Variants in BCL7B observed in about 807,000 individuals in gnomAD.
The protein encoded by BCL7B is BAF chromatin remodeling complex subunit BCL7B.
A neutral mutation model predicts 26.5 loss-of-function variants in BCL7B; 11 were observed. The ratio of observed to expected loss-of-function variants is 0.42; its 90% CI spans 0.26 to 0.69. The LOEUF (loss-of-function observed/expected upper bound fraction) is 0.69. BCL7B is among the 30% of genes least tolerant of loss of function. The pLI, the probability that BCL7B is intolerant of heterozygous loss-of-function variation, is 0.28. For missense variants in BCL7B, 215 were observed against 264.4 expected, an observed-to-expected ratio of 0.81 and a Z score of 1.30; for synonymous variants, 111 against 107.9, an observed-to-expected ratio of 1.03 and a Z score of -0.18.
At chr7:73,538,816 A>T (rs1414981884) in intron 4 of BCL7B, among the ~76,000 whole-genome samples, 23 of 110,354 alleles carry the variant, frequency 2.1e-4, no homozygotes, top group East Asian at 1.9e-3. Context: ...CTATCTCTTT[A>T]AAAAAAAAAA....
In BCL7B at chr7:73,536,719, G is replaced by A. The variant is rs80016682; in HGVS notation, c.*579C>T. On this transcript the variant is annotated 3_prime_UTR_variant, in exon 6 of 6. Transcript: ENST00000223368. ...AGGGCTGTCAGCAGCTAGGGTGCCC[G>A]TGAGAGGTAGGACCACCTCAGGCAT... 8.4e-4 allele frequency: 129 copies of A among 152,948 alleles called. 4 individuals carry two copies. The South Asian group carries it at 0.021, about 25-fold the overall frequency. The allele number at this position is 152,948 out of a possible 1,614,324, so 9.5% of individuals were successfully genotyped here. A position where few individuals can be genotyped will look rare whatever the true frequency, so the allele number is the denominator to read the frequency against.
At chr7:73,537,424 AC>A in intron 5 of BCL7B, 34 bp from the exon 6 acceptor site, 1 of 1,546,776 alleles carries the variant, frequency 6.5e-7, no homozygotes, top group Non-Finnish European at 8.9e-7. Flanking sequence ...TGCCAGGGCC[AC>A]CCCTCCCAAC....
chr7:73,542,803 G>A (rs782013387), intron 3 of BCL7B: 4 of 409,406 alleles, frequency 9.8e-6, no homozygotes, highest in Admixed American at 6.2e-5. Flanking sequence ...TACAGTCTAG[G>A]CCAGGTGCAG....
Position 73,538,013 on chromosome 7 carries a change from T to C in BCL7B, c.437A>G (p.Glu146Gly). ...PPTLGQEILEEPSLPSSEVAD... is the reference protein window; with the variant it reads ...PPTLGQEILEGPSLPSSEVAD... The stretch of plus-strand genomic sequence containing the variant: ...AACTTCCGAGGAGGGCAGGGAGGGC[T>C]CTGAAAAGGCAGTAGGGTCGGCCTG... The change falls in exon 5 of 6, where the codon GAG (glutamate) becomes GGG (glycine). Residue 146 changes from glutamate (E) to glycine (G), a missense_variant and splice_region_variant. Coordinates refer to ENST00000223368, the MANE Select transcript of BCL7B (RefSeq NM_001707.4). The C allele has an allele frequency of 6.3e-7, 1 of 1,595,562 alleles. No homozygotes were observed. Among genetic ancestry groups the C allele is most frequent in the East Asian group, 2.3e-5 (1 of 43,218 alleles).
intron 4 of BCL7B, among the ~76,000 whole-genome samples, chr7:73,539,111 C>T (rs1335820545): frequency 3.3e-5 from 5 of 152,146 alleles, no homozygotes; most frequent in Non-Finnish European, 7.3e-5. Context: ...AGGCTTGCGC[C>T]ACCATGCCTG....
At chr7:73,543,064 G>A (rs1299637136) in intron 3 of BCL7B, among the ~76,000 whole-genome samples, 3 of 152,186 alleles carry the variant, frequency 2.0e-5, no homozygotes, top group African/African-American at 4.8e-5. Flanking sequence ...ACTGGAAAAT[G>A]AGAATACCAT....
At chr7:73,539,535 AG>A (rs1310801505) in intron 4 of BCL7B, among the ~76,000 whole-genome samples, 1 of 152,148 alleles carries the variant, frequency 6.6e-6, no homozygotes, top group African/African-American at 2.4e-5. Flanking sequence ...TACAGGTGTG[AG>A]CCACCATGCC....
chr7:73,556,527 C>T (rs1283522373), intron 1 of BCL7B, among the ~76,000 whole-genome samples: 1 of 152,142 alleles, frequency 6.6e-6, no homozygotes, highest in African/African-American at 2.4e-5. Flanking sequence ...AAAGAGCTGA[C>T]GAAGTTGGCT....
chr7:73,552,249 G>C lies in BCL7B; in HGVS notation c.93-7C>G. On this transcript the variant is annotated splice_region_variant and splice_polypyrimidine_tract_variant and intron_variant, in intron 1 of 5. Coordinates refer to ENST00000223368, the MANE Select transcript of BCL7B (RefSeq NM_001707.4). Reference sequence around the variant, plus strand: ...AGTCACCCACTTCTTCTCCCTAAAAGAAAGACACTTCTTAGAACGGATAAA... The same window carrying C: ...AGTCACCCACTTCTTCTCCCTAAAACAAAGACACTTCTTAGAACGGATAAA... 1 of 1,605,812 alleles carries C rather than the reference G, an allele frequency of 6.2e-7. No individual in the cohort carries two copies. Among genetic ancestry groups the C allele is most frequent in the Non-Finnish European group, 8.5e-7 (1 of 1,175,964 alleles).
At chr7:73,557,274 T>A in intron 1 of BCL7B, 1 of 1,133,274 alleles carries the variant, frequency 8.8e-7, no homozygotes. Context: ...CCGCAGCAGG[T>A]GGGCGGGCCC....
chr7:73,555,030 G>A (rs190076776), intron 1 of BCL7B, among the ~76,000 whole-genome samples: 194 of 152,216 alleles, frequency 1.3e-3, no homozygotes, highest in Admixed American at 3.5e-3. Flanking sequence ...TCTGGAAACA[G>A]ACATGAATAG....
intron 2 of BCL7B, among the ~76,000 whole-genome samples, chr7:73,549,631 T>C (rs1271794595): frequency 2.0e-5 from 3 of 152,024 alleles, no homozygotes; most frequent in Admixed American, 6.6e-5. Context: ...TAGGTTGACA[T>C]AGCAAACTCC....
chr7:73,545,924 G>A (rs1187518560), intron 2 of BCL7B, among the ~76,000 whole-genome samples: 1 of 152,102 alleles, frequency 6.6e-6, no homozygotes, highest in Non-Finnish European at 1.5e-5. Context: ...GAGGTCAGGA[G>A]ATTGAGACCA....
intron 2 of BCL7B, 195 bp from the exon 3 acceptor site, chr7:73,543,839 G>A: frequency 1.9e-6 from 1 of 534,500 alleles, no homozygotes; most frequent in Non-Finnish European, 3.4e-6. Flanking sequence ...TCAGAAAAAT[G>A]AACCCTTCCA....
chr7:73,540,829 C>CAAAAAAAAAAAAAAAA (rs56111929), intron 3 of BCL7B, among the ~76,000 whole-genome samples: 2 of 50,940 alleles, frequency 3.9e-5, no homozygotes, highest in African/African-American at 1.6e-4. Flanking sequence ...GACTCTGTCT[C>CAAAAAAAAAAAAAAAA]AAAAAAAAAA....
At chr7:73,550,110 G>C (rs1554583945) in intron 2 of BCL7B, among the ~76,000 whole-genome samples, 3 of 152,026 alleles carry the variant, frequency 2.0e-5, no homozygotes, top group Non-Finnish European at 4.4e-5. Flanking sequence ...AAAACAATTA[G>C]AAAAAATAAA....
Position 73,536,742 on chromosome 7 carries a change from C to T in BCL7B, c.*556G>A, listed in dbSNP as rs1375740292. On this transcript the variant is annotated 3_prime_UTR_variant, in exon 6 of 6. Coordinates refer to ENST00000223368, the MANE Select transcript of BCL7B (RefSeq NM_001707.4). ...CCGTGAGAGGTAGGACCACCTCAGG[C>T]ATGGGCAGAGCTGGCAGGACAGCAA... 2.0e-5 allele frequency: 3 copies of T among 153,280 alleles called. No individual in the cohort carries two copies. The highest frequency in any genetic ancestry group is 7.2e-5 in the African/African-American group (3 of 41,470). 9.5% of individuals were successfully genotyped at this position (153,280 alleles called of 1,614,324 possible).
At chr7:73,553,045 C>T (rs1178924661) in intron 1 of BCL7B, among the ~76,000 whole-genome samples, 2 of 151,870 alleles carry the variant, frequency 1.3e-5, no homozygotes, top group African/African-American at 4.8e-5. Context: ...CCTCAGCCTC[C>T]TGAGTAGCTG....
chr7:73,546,131 C>CAAAAAAAAAAA (rs1327019672), intron 2 of BCL7B, among the ~76,000 whole-genome samples: 1 of 73,908 alleles, frequency 1.4e-5, no homozygotes, highest in Non-Finnish European at 2.6e-5. Flanking sequence ...GACTCCATCT[C>CAAAAAAAAAAA]AAAAAAAAAA....
Sources: gnomAD v4.1 joint callset for allele counts (sites outside exome capture counted in the v4.1 genomes callset) on GRCh38, gnomAD v4.1.1 for gene constraint, MANE v1.5 for transcripts, NCBI Gene and HGNC (gene_info 2026-07-23, HGNC 2026-07-21) for gene names.